MEGF10: variants seen among roughly 807,000 people sequenced by gnomAD.
The protein encoded by MEGF10 is multiple epidermal growth factor-like domains protein 10.
A neutral mutation model predicts 147.5 loss-of-function variants in MEGF10; 86 were observed. The observed-to-expected ratio is 0.58, with a 90% CI of 0.49 to 0.70. The LOEUF (loss-of-function observed/expected upper bound fraction) is 0.70, where lower values mean the gene tolerates loss of function less well. Among genes scored for constraint, MEGF10 ranks in the 30% least tolerant of loss-of-function variants. The probability of loss-of-function intolerance (pLI) is 0.00; values close to 1 mark genes in which losing one functional copy is unlikely to be tolerated. For synonymous variants in MEGF10, 478 were observed against 525.5 expected (o/e 0.91, Z 1.24); for missense variants, 1,329 against 1,487.3 (o/e 0.89, Z 1.75).
chr5:127,398,626 T>C (rs1161281113), intron 6 of MEGF10, 50 bp from the exon 7 acceptor site: 2 of 1,611,150 alleles, frequency 1.2e-6, no homozygotes, highest in Non-Finnish European at 1.7e-6. Context: ...AACCCGAGGG[T>C]CATGTGTCTG....
chr5:127,281,567 T>C, the MEGF10 span, among the ~76,000 whole-genome samples: 1 of 152,178 alleles, frequency 6.6e-6, no homozygotes, highest in Admixed American at 6.5e-5. Context: ...TGTACATTGC[T>C]TCTCTCCTGC....
At chr5:127,233,659 A>C in the MEGF10 span, among the ~76,000 whole-genome samples, 1 of 152,184 alleles carries the variant, frequency 6.6e-6, no homozygotes, top group Non-Finnish European at 1.5e-5. Flanking sequence ...TTTTTTTCCC[A>C]TTAGATTAAG....
At chr5:127,419,063 G>C (rs1764882921) in intron 10 of MEGF10, 57 bp from the exon 11 acceptor site, 3 of 1,559,212 alleles carry the variant, frequency 1.9e-6, no homozygotes, top group Non-Finnish European at 2.6e-6. Context: ...GTTTATTTGT[G>C]TTGGCCTTAT....
At position 127,435,477 on chromosome 5, in the gene MEGF10, G is replaced by A. The variant is rs546847502; in HGVS notation, c.2092G>A (p.Asp698Asn). The A allele has an allele frequency of 1.2e-6, 2 of 1,613,646 alleles. No homozygotes were observed. The highest frequency in any genetic ancestry group is 2.7e-5 in the African/African-American group (2 of 75,006). ...GTGTTACCCCGGTTGGATTGGCAGT[G>A]ACTGCTCTCAACGTAAGTCTTGTTT... The part of the protein sequence containing the change: ...CQCYPGWIGS[D>N]CSQPCPPAHW... The change falls in exon 16 of 25, where the codon GAC becomes AAC. Residue 698 changes from aspartate to asparagine, a missense_variant. Asp to Asn is a conservative substitution (Grantham distance 23). This residue lies in a region of MEGF10 where 980 missense variants were observed against 1,085.9 expected (regional missense o/e 0.90). Coordinates refer to ENST00000503335, the MANE Select transcript of MEGF10 (RefSeq NM_001256545.2).
chr5:127,425,723 T>G (rs1217183061), intron 13 of MEGF10, among the ~76,000 whole-genome samples: 1 of 152,186 alleles, frequency 6.6e-6, no homozygotes, highest in East Asian at 1.9e-4. Flanking sequence ...ATAAAATTGT[T>G]TAGGGTTAGT....
intron 5 of MEGF10, among the ~76,000 whole-genome samples, chr5:127,391,082 A>G (rs879525172): frequency 0.04 from 4,054 of 101,406 alleles, 205 homozygotes; most frequent in African/African-American, 0.12. Context: ...ACATACATAC[A>G]CACATGCGCG....
In MEGF10 at chr5:127,307,060, C is replaced by G. The variant is rs78751441; in HGVS notation, c.-19+16004C>G. On this transcript the variant is annotated intron_variant, in intron 1 of 24. Coordinates refer to ENST00000503335, the MANE Select transcript of MEGF10 (RefSeq NM_001256545.2). The stretch of plus-strand genomic sequence containing the variant: ...TTTGTTTTATTTTGCTTTGGCATGG[C>G]CTTGAATGAAACAACAACAAAGAAA... Among the ~76,000 whole-genome samples, 694 of 152,196 alleles carry G rather than the reference C, an allele frequency of 4.6e-3. 6 individuals are homozygous for G. The highest frequency in any genetic ancestry group is 0.024 in the Middle Eastern group (7 of 294).
chr5:127,342,049 C>T (rs1216050645), intron 4 of MEGF10, among the ~76,000 whole-genome samples: 4 of 152,166 alleles, frequency 2.6e-5, no homozygotes, highest in African/African-American at 7.2e-5. Flanking sequence ...TTTGCTTATA[C>T]CCTGAGCCAA....
intron 5 of MEGF10, among the ~76,000 whole-genome samples, chr5:127,393,811 T>C (rs886301250): frequency 9.8e-6 from 1 of 102,322 alleles, no homozygotes; most frequent in East Asian, 2.5e-4. Context: ...ATCTTCAAAG[T>C]TTTTTTTTTT....
intron 4 of MEGF10, among the ~76,000 whole-genome samples, chr5:127,343,468 T>A (rs1282983038): frequency 1.3e-5 from 2 of 152,018 alleles, no homozygotes; most frequent in African/African-American, 2.4e-5. Flanking sequence ...CTCACCCTCT[T>A]TCCACAGCTT....
intron 13 of MEGF10, among the ~76,000 whole-genome samples, chr5:127,431,865 T>C (rs961269671): frequency 9.2e-5 from 14 of 152,190 alleles, no homozygotes; most frequent in Non-Finnish European, 2.9e-5. Context: ...TAGGTGTGGA[T>C]ATAAATTCCA....
At position 127,457,279 on chromosome 5, in the gene MEGF10, T is replaced by A. The variant is rs1055806132; in HGVS notation, c.3384T>A (p.Ser1128Arg). The A allele has an allele frequency of 1.9e-6, 3 of 1,613,826 alleles. No homozygotes were observed. In the African/African-American group the frequency reaches 4.0e-5, roughly 22 times the overall value. The change falls in exon 25 of 25, where the codon AGT becomes AGA. Residue 1128 changes from serine to arginine, a missense_variant. This residue lies in a region of MEGF10 where 343 missense variants were observed against 377.9 expected (regional missense o/e 0.91). Transcript: ENST00000503335. Reference protein sequence around the residue: ...DSSSSPKQEDSGGSSSNSSSS... With the variant: ...DSSSSPKQEDRGGSSSNSSSS... ...CATCCTCCCCTAAGCAAGAGGACAG[T>A]GGTGGTAGCAGCAGCAACAGCAGCA...
the MEGF10 span, among the ~76,000 whole-genome samples, chr5:127,276,831 T>C: frequency 1.3e-5 from 2 of 152,098 alleles, no homozygotes; most frequent in South Asian, 4.2e-4. Flanking sequence ...AAAGTGGTAT[T>C]AAAAAAGAAA....
rs374582512 is a variant in MEGF10, at chr5:127,291,617, G to A, written c.-19+561G>A. On this transcript the variant is annotated intron_variant, in intron 1 of 24. Transcript: ENST00000503335. ...TGTGAGGTCGCAGTCTTAGACCAAA[G>A]GGGCCTTGTCAGTATGCTTGGCTCC... Among the ~76,000 whole-genome samples, 11 of 152,280 alleles carry A rather than the reference G, an allele frequency of 7.2e-5. 1 individual carries two copies. The highest frequency in any genetic ancestry group is 4.6e-4 in the Admixed American group (7 of 15,306).
intron 13 of MEGF10, among the ~76,000 whole-genome samples, chr5:127,427,716 G>A (rs1430476594): frequency 1.3e-5 from 2 of 152,152 alleles, no homozygotes; most frequent in African/African-American, 2.4e-5. Context: ...CTGTCGTGAG[G>A]TGATGTCTCA....
At chr5:127,258,326 G>A in the MEGF10 span, among the ~76,000 whole-genome samples, 1 of 152,068 alleles carries the variant, frequency 6.6e-6, no homozygotes, top group Admixed American at 6.6e-5. Flanking sequence ...AAGAAATAAG[G>A]AATTATGTAA....
intron 5 of MEGF10, among the ~76,000 whole-genome samples, chr5:127,372,964 G>T (rs1358767401): frequency 6.6e-6 from 1 of 152,174 alleles, no homozygotes; most frequent in Non-Finnish European, 1.5e-5. Flanking sequence ...TGTCTTTGAG[G>T]AAGGAATATC....
intron 4 of MEGF10, among the ~76,000 whole-genome samples, chr5:127,368,550 T>C (rs1046964485): frequency 6.6e-6 from 1 of 152,204 alleles, no homozygotes; most frequent in Non-Finnish European, 1.5e-5. Flanking sequence ...AGGGTCTCTC[T>C]CTCTACCTTG....
the MEGF10 span, among the ~76,000 whole-genome samples, chr5:127,254,675 G>A: frequency 6.5e-3 from 992 of 151,762 alleles, 10 homozygotes; most frequent in African/African-American, 0.023. Context: ...GCCGGGTGTG[G>A]TGGTGCATGC....
Sources: allele counts gnomAD v4.1 joint callset (sites outside exome capture counted in the v4.1 genomes callset), GRCh38; gene constraint gnomAD v4.1.1; regional missense constraint gnomAD v4.1.1; transcripts MANE v1.5; gene names NCBI Gene and HGNC (gene_info 2026-07-23, HGNC 2026-07-21).